The following SH3BP5 variants were observed in gnomAD, a reference collection of about 807,000 sequenced individuals.
The protein encoded by SH3BP5 is SH3 domain-binding protein 5.
Under a neutral mutation model 43.3 loss-of-function variants are expected in SH3BP5, and 22 were observed. The observed-to-expected ratio is 0.51, with a 90% confidence interval of 0.36 to 0.73. SH3BP5 has a LOEUF of 0.73. Ranked by LOEUF, SH3BP5 falls within the 30% of genes least tolerant of loss-of-function variation. The pLI is 0.00. For synonymous variants in SH3BP5, 255 were observed against 225.8 expected (o/e 1.13, Z -1.16); for missense variants, 529 against 586.9 (o/e 0.90, Z 1.02).
At chr3:15,327,379 G>A (rs566175669) in intron 2 of SH3BP5, among the ~76,000 whole-genome samples, 2 of 152,130 alleles carry the variant, frequency 1.3e-5, no homozygotes, top group South Asian at 2.1e-4. Context: ...CAGCCTGGGC[G>A]ACAGCGTGAG....
upstream of SH3BP5, among the ~76,000 whole-genome samples, chr3:15,337,197 G>T (rs2124843068): frequency 7.0e-6 from 1 of 143,768 alleles, no homozygotes; most frequent in South Asian, 2.2e-4. Flanking sequence ...CTATTCTCCT[G>T]CCTCAGCCTC....
At chr3:15,285,495 C>G (rs1466747305) in intron 3 of SH3BP5, among the ~76,000 whole-genome samples, 2 of 152,226 alleles carry the variant, frequency 1.3e-5, no homozygotes, top group Non-Finnish European at 2.9e-5. Flanking sequence ...TCTCTGACTT[C>G]ATAGGACCAA....
chr3:15,262,136 G>C, intron 5 of SH3BP5, 23 bp downstream of exon 5: 2 of 1,613,278 alleles, frequency 1.2e-6, no homozygotes, highest in Non-Finnish European at 1.7e-6. Flanking sequence ...CACGGCCCCA[G>C]GGAAGGCCCT....
chr3:15,299,262 C>T (rs1697662480), intron 3 of SH3BP5, among the ~76,000 whole-genome samples: 1 of 152,146 alleles, frequency 6.6e-6, no homozygotes, highest in South Asian at 2.1e-4. Context: ...AGCTTGGGCT[C>T]AAGGACAAAA....
intron 3 of SH3BP5, among the ~76,000 whole-genome samples, chr3:15,272,450 G>A (rs1037351111): frequency 5.3e-5 from 8 of 152,330 alleles, no homozygotes; most frequent in Middle Eastern, 3.4e-3. Context: ...GGAGGATCCC[G>A]AACTCAGGAC....
intron 3 of SH3BP5, among the ~76,000 whole-genome samples, chr3:15,302,243 C>T (rs1407632704): frequency 1.3e-5 from 2 of 152,146 alleles, no homozygotes; most frequent in African/African-American, 2.4e-5. Context: ...GGGGGAATGC[C>T]TCAGGGTGCT....
chr3:15,308,586 G>A (rs1487481068), intron 2 of SH3BP5, among the ~76,000 whole-genome samples: 2 of 152,158 alleles, frequency 1.3e-5, no homozygotes, highest in Non-Finnish European at 2.9e-5. Flanking sequence ...ACGGACGGAC[G>A]GGCTGGCCTG....
At chr3:15,307,159 G>A (rs149634652) in intron 2 of SH3BP5, among the ~76,000 whole-genome samples, 2 of 152,226 alleles carry the variant, frequency 1.3e-5, no homozygotes, top group South Asian at 4.1e-4. Flanking sequence ...CCCGAGCCTG[G>A]ATCCCATGTC....
chr3:15,298,908 A>G (rs1040171673), intron 3 of SH3BP5, among the ~76,000 whole-genome samples: 15 of 152,162 alleles, frequency 9.9e-5, no homozygotes, highest in African/African-American at 3.6e-4. Context: ...GTGAATGTGC[A>G]TTCACAATGT....
upstream of SH3BP5, among the ~76,000 whole-genome samples, chr3:15,335,392 A>G (rs940395702): frequency 1.9e-4 from 29 of 151,932 alleles, no homozygotes; most frequent in African/African-American, 6.5e-4. Context: ...AAAAAGAAAA[A>G]AGAAACACCT....
intron 3 of SH3BP5, among the ~76,000 whole-genome samples, 157 bp from the exon 4 acceptor site, chr3:15,270,034 G>C (rs900945910): frequency 6.6e-6 from 1 of 152,196 alleles, no homozygotes; most frequent in Non-Finnish European, 1.5e-5. Flanking sequence ...TGCCAGACAG[G>C]GCAATGGACC....
chr3:15,270,550 G>A (rs911054898), intron 3 of SH3BP5, among the ~76,000 whole-genome samples: 1 of 152,208 alleles, frequency 6.6e-6, no homozygotes. Context: ...CTTTCAAGGA[G>A]CATCAGGTGG....
rs528235503 is a variant in SH3BP5 at position 15,262,599 on chromosome 3, T to C, written c.496-310A>G. ...TTGAACCCGGAGGCAGAGGTTGCAG[T>C]GAGCCAAGATCGTGCCACTGCACTC... On this transcript the variant is annotated intron_variant, in intron 4 of 8. Transcript: ENST00000383791. 2.6e-5 allele frequency among the ~76,000 whole-genome samples: 4 copies of C among 152,128 alleles called. No homozygotes were observed. The East Asian group carries it at 7.7e-4, about 29-fold the overall frequency.
intron 2 of SH3BP5, among the ~76,000 whole-genome samples, chr3:15,311,582 A>G (rs960370316): frequency 6.6e-6 from 1 of 152,062 alleles, no homozygotes; most frequent in Non-Finnish European, 1.5e-5. Flanking sequence ...AGAAAACTGG[A>G]GCCTTGGAGT....
chr3:15,259,953 G>C lies in SH3BP5; in HGVS notation c.627-150C>G. On this transcript the variant is annotated intron_variant, in intron 5 of 8. Coordinates refer to ENST00000383791, the MANE Select transcript of SH3BP5 (RefSeq NM_004844.5). Reference sequence around the variant, plus strand: ...CTTAACAAGGCCGTGACATGTCAGTGATGCTCCTAGCTCTGGAGACTGACA... The same window carrying C: ...CTTAACAAGGCCGTGACATGTCAGTCATGCTCCTAGCTCTGGAGACTGACA... The C allele has an allele frequency of 4.3e-6, 3 of 700,664 alleles. No individual in the cohort carries two copies. In the South Asian group the frequency reaches 5.1e-5, roughly 12 times the overall value. 43.4% of individuals were successfully genotyped at this position (700,664 alleles called of 1,614,324 possible). A position where few individuals can be genotyped will look rare whatever the true frequency, so the allele number is the denominator to read the frequency against.
At chr3:15,259,112 A>G in intron 6 of SH3BP5, 62 bp from the exon 7 acceptor site, 1 of 1,339,804 alleles carries the variant, frequency 7.5e-7, no homozygotes, top group Non-Finnish European at 1.1e-6. Context: ...TGCTTTCTGA[A>G]TGACAGGTTC....
intron 5 of SH3BP5, among the ~76,000 whole-genome samples, chr3:15,261,861 C>T (rs1324903456): frequency 2.0e-5 from 3 of 152,184 alleles, no homozygotes; most frequent in South Asian, 2.1e-4. Flanking sequence ...CAGAGTACAG[C>T]GTGAATTTAC....
At chr3:15,327,964 T>C (rs565851790) in intron 2 of SH3BP5, among the ~76,000 whole-genome samples, 95 of 152,350 alleles carry the variant, frequency 6.2e-4, no homozygotes, top group Non-Finnish European at 1.1e-3. Flanking sequence ...TTGTACTGTC[T>C]TGGATATTCC....
At chr3:15,268,659 C>G (rs1226639205) in intron 4 of SH3BP5, among the ~76,000 whole-genome samples, 1 of 152,118 alleles carries the variant, frequency 6.6e-6, no homozygotes, top group Non-Finnish European at 1.5e-5. Context: ...CTAAGAAACC[C>G]GATAGAGTTA....
Sources: gnomAD v4.1 joint callset for allele counts (sites outside exome capture counted in the v4.1 genomes callset) on GRCh38, gnomAD v4.1.1 for gene constraint, MANE v1.5 for transcripts, NCBI Gene and HGNC (gene_info 2026-07-23, HGNC 2026-07-21) for gene names.